ELFN2: variants seen among roughly 807,000 people sequenced by gnomAD.
ELFN2 encodes extracellular leucine rich repeat and fibronectin type III domain containing 2.
In ELFN2, 17 loss-of-function variants were observed where a neutral mutation model predicts 45.5. The observed-to-expected ratio is 0.37, with a 90% CI of 0.26 to 0.56. The LOEUF is 0.56. Ranked by LOEUF, ELFN2 falls within the 20% of genes least tolerant of loss-of-function variation. The pLI is 0.77. For synonymous variants in ELFN2, 550 were observed against 551.5 expected (o/e 1.00, Z 0.04); for missense variants, 922 against 1,183.2 (o/e 0.78, Z 3.24).
intron 2 of ELFN2, among the ~76,000 whole-genome samples, chr22:37,388,332 G>A (rs1932006650): frequency 6.6e-6 from 1 of 152,042 alleles, no homozygotes; most frequent in South Asian, 2.1e-4. Context: ...AGCCCCCTGT[G>A]CTTCCTCCAT....
At chr22:37,397,554 G>A (rs1160517944) in intron 2 of ELFN2, among the ~76,000 whole-genome samples, 1 of 152,196 alleles carries the variant, frequency 6.6e-6, no homozygotes, top group Non-Finnish European at 1.5e-5. Flanking sequence ...AGGGAAAGGA[G>A]GGGGAACGTG....
intron 1 of ELFN2, among the ~76,000 whole-genome samples, chr22:37,356,225 C>T (rs1026571852): frequency 6.6e-6 from 1 of 152,144 alleles, no homozygotes; most frequent in African/African-American, 2.4e-5. Flanking sequence ...GGCTGCTGGG[C>T]GCTTACCCAC....
At chr22:37,348,605 C>T (rs1206094493) in intron 1 of ELFN2, among the ~76,000 whole-genome samples, 1 of 150,452 alleles carries the variant, frequency 6.6e-6, no homozygotes, top group Non-Finnish European at 1.5e-5. Context: ...GGGCAGGGCT[C>T]CTGTCCCACA....
At chr22:37,383,413 G>A (rs767878800) in intron 2 of ELFN2, among the ~76,000 whole-genome samples, 1 of 152,290 alleles carries the variant, frequency 6.6e-6, no homozygotes, top group Non-Finnish European at 1.5e-5. Flanking sequence ...CTGGGTGTTC[G>A]TCCACCCCCA....
chr22:37,344,171 CCGTGCCCAACCCCA>C (rs1367511911), intron 1 of ELFN2, among the ~76,000 whole-genome samples: 1 of 98,700 alleles, frequency 1.0e-5, no homozygotes, highest in African/African-American at 4.1e-5. Flanking sequence ...CACCCATGCC[CCGTGCCCAACCCCA>C]CCTGCCCATG....
chr22:37,412,091 T>TC (rs907468552), intron 2 of ELFN2, among the ~76,000 whole-genome samples: 1 of 151,918 alleles, frequency 6.6e-6, no homozygotes, highest in African/African-American at 2.4e-5. Flanking sequence ...AGGCCTGTAA[T>TC]CCCAGCATTT....
chr22:37,351,579 T>TC (rs60840148), intron 1 of ELFN2, among the ~76,000 whole-genome samples: 2 of 148,546 alleles, frequency 1.3e-5, no homozygotes, highest in Non-Finnish European at 3.0e-5. Flanking sequence ...TGCTCCAGCG[T>TC]CCCCCCCACC....
chr22:37,425,870 T>TACACACACACACACACAC (rs133723), intron 1 of ELFN2, among the ~76,000 whole-genome samples: 1 of 145,682 alleles, frequency 6.9e-6, no homozygotes, highest in Non-Finnish European at 1.5e-5. Flanking sequence ...CACATACACA[T>TACACACACACACACACAC]ACACACACAC....
At chr22:37,419,000 A>G (rs133733) in intron 1 of ELFN2, 53,345 of 149,136 alleles carry the variant, frequency 0.36, 9,937 homozygotes, top group Non-Finnish European at 0.42. Flanking sequence ...GTCCCGCCCC[A>G]CACCCCACCA....
chr22:37,358,386 G>A (rs1199879115), intron 1 of ELFN2, among the ~76,000 whole-genome samples: 2 of 152,222 alleles, frequency 1.3e-5, no homozygotes, highest in African/African-American at 2.4e-5. Context: ...GCAGAGGCAC[G>A]CAGGTCCAGG....
intron 2 of ELFN2, among the ~76,000 whole-genome samples, chr22:37,399,143 C>T (rs745597882): frequency 6.6e-6 from 1 of 152,124 alleles, no homozygotes; most frequent in South Asian, 2.1e-4. Flanking sequence ...TCTCTGAACT[C>T]GGAGAGGCTT....
intron 2 of ELFN2, among the ~76,000 whole-genome samples, chr22:37,385,714 C>T (rs966898451): frequency 3.9e-5 from 6 of 152,162 alleles, no homozygotes; most frequent in Admixed American, 6.5e-5. Context: ...GCCTGGGACC[C>T]AAGGGTGCCC....
chr22:37,357,566 C>T (rs1420431401), intron 1 of ELFN2, among the ~76,000 whole-genome samples: 1 of 152,232 alleles, frequency 6.6e-6, no homozygotes, highest in Non-Finnish European at 1.5e-5. Flanking sequence ...CCAAAACCAT[C>T]TGTAGCAGTG....
At chr22:37,404,402 A>C (rs1338436367) in intron 2 of ELFN2, among the ~76,000 whole-genome samples, 1 of 151,814 alleles carries the variant, frequency 6.6e-6, no homozygotes, top group African/African-American at 2.4e-5. Flanking sequence ...GGAGAGAGAG[A>C]CCAAGGGGGG....
At position 37,391,114 on chromosome 22, in the gene ELFN2, C is replaced by G. The variant is rs565091350; in HGVS notation, c.-462-15118G>C. 3.9e-5 allele frequency among the ~76,000 whole-genome samples: 6 copies of G among 152,332 alleles called. 1 individual carries two copies. In the South Asian group the frequency reaches 1.2e-3, roughly 32 times the overall value. On this transcript the variant is annotated intron_variant, in intron 2 of 2. Transcript: ENST00000402918. ...GCAAGTGGAGGACCCACAGCCAAAG[C>G]CAGGCCTTCTGGTTGGGGCTCTGGT...
intron 1 of ELFN2, chr22:37,419,068 C>A: frequency 6.6e-6 from 1 of 152,292 alleles, no homozygotes; most frequent in Non-Finnish European, 1.5e-5. Context: ...TCGGCCCCCT[C>A]GGCATTGCCA....
At chr22:37,392,463 G>A (rs1380585421) in intron 2 of ELFN2, among the ~76,000 whole-genome samples, 3 of 151,926 alleles carry the variant, frequency 2.0e-5, no homozygotes, top group Middle Eastern at 3.4e-3. Context: ...GACTAGAGGC[G>A]CCCGCCACCA....
intron 2 of ELFN2, among the ~76,000 whole-genome samples, chr22:37,391,120 C>A (rs557492847): frequency 2.8e-4 from 43 of 152,230 alleles, no homozygotes; most frequent in Non-Finnish European, 8.8e-5. Context: ...AAAGCCAGGC[C>A]TTCTGGTTGG....
intron 2 of ELFN2, among the ~76,000 whole-genome samples, chr22:37,383,473 C>T (rs1931845690): frequency 6.6e-6 from 1 of 152,174 alleles, no homozygotes; most frequent in Non-Finnish European, 1.5e-5. Flanking sequence ...TGCTCTGGGT[C>T]CCGGGGGAGC....
Sources: allele counts gnomAD v4.1 joint callset (sites outside exome capture counted in the v4.1 genomes callset), GRCh38; gene constraint gnomAD v4.1.1; transcripts MANE v1.5; gene names NCBI Gene and HGNC (gene_info 2026-07-23, HGNC 2026-07-21).